Variants in BASP1 observed in about 807,000 individuals in gnomAD.
BASP1 encodes brain acid soluble protein 1.
Under a neutral mutation model 2.2 loss-of-function variants are expected in BASP1, and 1 was observed. The observed-to-expected ratio is 0.46, with a 90% CI of 0.16 to 2.17. The LOEUF (loss-of-function observed/expected upper bound fraction) is 2.17, where lower values mean the gene tolerates loss of function less well. Among genes scored for constraint, BASP1 ranks in the 30% most tolerant of loss-of-function variants. The probability of loss-of-function intolerance (pLI) is 0.27; values close to 1 mark genes in which losing one functional copy is unlikely to be tolerated. For synonymous variants in BASP1, 187 were observed against 154.2 expected, an observed-to-expected ratio of 1.21 and a Z score of -1.58; for missense variants, 352 against 327.2, an observed-to-expected ratio of 1.08 and a Z score of -0.58.
intron 1 of BASP1, among the ~76,000 whole-genome samples, chr5:17,243,857 A>G (rs1420831780): frequency 6.6e-6 from 1 of 152,214 alleles, no homozygotes; most frequent in Non-Finnish European, 1.5e-5. Flanking sequence ...CACTGCCAGC[A>G]GAAAACAAAA....
rs1287491906 is a variant in BASP1 at position 17,268,621 on chromosome 5, A to T, written c.-9-6587A>T. Among the ~76,000 whole-genome samples, 3 of 152,220 alleles carry T rather than the reference A, an allele frequency of 2.0e-5. No individual in the cohort carries two copies. In the East Asian group the frequency reaches 5.8e-4, roughly 29 times the overall value. The stretch of plus-strand genomic sequence containing the variant: ...GTCCTGTGGATTCTGTGTACAAAAT[A>T]AACACAGCAGATGATCTGAAGGGAT... On this transcript the variant is annotated intron_variant, in intron 1 of 1. Transcript: ENST00000322611.
At chr5:17,223,168 G>T (rs1040346465) in intron 1 of BASP1, among the ~76,000 whole-genome samples, 4 of 152,180 alleles carry the variant, frequency 2.6e-5, no homozygotes, top group East Asian at 3.9e-4. Context: ...GGAGGGTTAG[G>T]CATGGTGGGG....
chr5:17,268,805 T>C (rs1740477879), intron 1 of BASP1, among the ~76,000 whole-genome samples: 2 of 152,194 alleles, frequency 1.3e-5, no homozygotes, highest in Admixed American at 6.5e-5. Flanking sequence ...GAAATTTTCA[T>C]ATTAAATTTA....
intron 1 of BASP1, among the ~76,000 whole-genome samples, chr5:17,229,026 C>A (rs1450103474): frequency 6.6e-6 from 1 of 151,214 alleles, no homozygotes; most frequent in African/African-American, 2.4e-5. Flanking sequence ...AAAAAAAAAA[C>A]AAAACTCTTA....
intron 1 of BASP1, among the ~76,000 whole-genome samples, chr5:17,245,118 A>G (rs936272929): frequency 2.6e-5 from 4 of 151,700 alleles, no homozygotes; most frequent in Admixed American, 6.6e-5. Flanking sequence ...CCTGACCAAT[A>G]TGATGAAACC....
intron 1 of BASP1, among the ~76,000 whole-genome samples, chr5:17,248,812 T>C (rs1740044525): frequency 6.6e-6 from 1 of 152,194 alleles, no homozygotes; most frequent in Non-Finnish European, 1.5e-5. Flanking sequence ...CAGTTGTGCT[T>C]GTTGATAATT....
In BASP1 at chr5:17,275,568, G is replaced by A. The variant is rs1244025300; in HGVS notation, c.352G>A (p.Glu118Lys). 3.6e-6 allele frequency: 5 copies of A among 1,396,844 alleles called. No individual in the cohort carries two copies. The highest frequency in any genetic ancestry group is 3.3e-5 in the South Asian group (2 of 60,916). 86.5% of individuals were successfully genotyped at this position (1,396,844 alleles called of 1,614,324 possible). The change falls in exon 2 of 2, where the codon GAG (glutamate) becomes AAG (lysine). Residue 118 changes from glutamate to lysine, a missense_variant. Physicochemically the swap from Glu to Lys is moderately conservative, Grantham distance 56 (BLOSUM62 1). Coordinates refer to ENST00000322611, the MANE Select transcript of BASP1 (RefSeq NM_006317.5). This position sits in a 1 kb window ranked among gnomAD's most constrained non-coding sequence, Gnocchi z 5.3. ...QAAPGPAAGG[E>K]APKAAEAAAA... ...GGCCCCCGGCCCCGCTGCGGGCGGC[G>A]AGGCCCCCAAAGCTGCTGAGGCCGC... is the stretch of plus-strand genomic sequence containing the variant.
At chr5:17,219,308 G>A (rs1013498650) in intron 1 of BASP1, among the ~76,000 whole-genome samples, 2 of 152,204 alleles carry the variant, frequency 1.3e-5, no homozygotes, top group Non-Finnish European at 2.9e-5. Flanking sequence ...GAACAAAGGC[G>A]TTTGCCCTAA....
At chr5:17,219,607 T>C (rs936395531) in intron 1 of BASP1, among the ~76,000 whole-genome samples, 1 of 152,234 alleles carries the variant, frequency 6.6e-6, no homozygotes, top group Non-Finnish European at 1.5e-5. Flanking sequence ...AGATCTTTTT[T>C]GGTCATTTGA....
chr5:17,230,658 A>G (rs924688930), intron 1 of BASP1, among the ~76,000 whole-genome samples: 6 of 151,818 alleles, frequency 4.0e-5, no homozygotes, highest in Non-Finnish European at 7.4e-5. Flanking sequence ...CCGCCTCCCG[A>G]GTTCAAGCGA....
intron 1 of BASP1, among the ~76,000 whole-genome samples, chr5:17,267,153 G>T (rs1740431129): frequency 6.6e-6 from 1 of 152,216 alleles, no homozygotes; most frequent in Non-Finnish European, 1.5e-5. Flanking sequence ...AAAAGGAAAA[G>T]ATGGTTTGAT....
At chr5:17,231,661 C>T (rs978883155) in intron 1 of BASP1, among the ~76,000 whole-genome samples, 1 of 152,182 alleles carries the variant, frequency 6.6e-6, no homozygotes, top group African/African-American at 2.4e-5. Flanking sequence ...TAGTTCAGAT[C>T]TCAGCTTAAA....
chr5:17,271,455 G>T (rs959238144), intron 1 of BASP1, among the ~76,000 whole-genome samples: 1 of 152,112 alleles, frequency 6.6e-6, no homozygotes, highest in African/African-American at 2.4e-5. Context: ...GCTTTTTTCT[G>T]AGATGTCATA....
chr5:17,242,820 G>C (rs1376540825), intron 1 of BASP1, among the ~76,000 whole-genome samples: 1 of 149,242 alleles, frequency 6.7e-6, no homozygotes, highest in East Asian at 2.0e-4. Flanking sequence ...GTCGAAGTAA[G>C]TCTAGGAAAA....
At chr5:17,229,667 C>T (rs6860013) in intron 1 of BASP1, among the ~76,000 whole-genome samples, 8,629 of 152,196 alleles carry the variant, frequency 0.057, 770 homozygotes, top group African/African-American at 0.19. Flanking sequence ...CAATGCTCTC[C>T]TCCTGTGTCT....
At chr5:17,253,872 A>G (rs1740149661) in intron 1 of BASP1, among the ~76,000 whole-genome samples, 1 of 152,154 alleles carries the variant, frequency 6.6e-6, no homozygotes. Context: ...CCACCGACAC[A>G]TTCAGGAGGC....
chr5:17,266,790 C>T (rs570817211), intron 1 of BASP1, among the ~76,000 whole-genome samples: 127 of 133,292 alleles, frequency 9.5e-4, no homozygotes, highest in Non-Finnish European at 1.7e-3. Flanking sequence ...CCAGCCTGAG[C>T]GACAGAGCAG....
chr5:17,231,508 G>A (rs1044115442), intron 1 of BASP1, among the ~76,000 whole-genome samples: 2 of 151,872 alleles, frequency 1.3e-5, no homozygotes, highest in African/African-American at 4.8e-5. Flanking sequence ...TTCTATTTTC[G>A]TCTCTTACCT....
chr5:17,221,958 G>C (rs552684050), intron 1 of BASP1, among the ~76,000 whole-genome samples: 9 of 152,128 alleles, frequency 5.9e-5, no homozygotes, highest in African/African-American at 1.9e-4. Flanking sequence ...GTGTGGAATG[G>C]CTGGCTCTGA....
Sources: gnomAD v4.1 joint callset for allele counts (sites outside exome capture counted in the v4.1 genomes callset) on GRCh38, gnomAD v4.1.1 for gene constraint, Gnocchi (gnomAD v3.1) non-coding constraint, MANE v1.5 for transcripts, NCBI Gene and HGNC (gene_info 2026-07-23, HGNC 2026-07-21) for gene names.